The following RORA variants were observed in gnomAD, a reference collection of about 807,000 sequenced individuals.
RORA encodes RAR related orphan receptor A.
A neutral mutation model predicts 69.5 loss-of-function variants in RORA; 7 were observed. That is an observed-to-expected ratio of 0.10 (90% CI 0.06 to 0.19). RORA has a LOEUF of 0.19. Among genes scored for constraint, RORA ranks in the 10% least tolerant of loss-of-function variants. The pLI is 1.00. For synonymous variants in RORA, 261 were observed against 240.8 expected, an observed-to-expected ratio of 1.08 and a Z score of -0.78; for missense variants, 457 against 663.0, an observed-to-expected ratio of 0.69 and a Z score of 3.41.
chr15:60,659,711 C>T (rs1228166651), intron 2 of RORA, among the ~76,000 whole-genome samples: 1 of 152,120 alleles, frequency 6.6e-6, no homozygotes, highest in African/African-American at 2.4e-5. Context: ...AAATAATCAT[C>T]TGATAAATCA....
chr15:61,100,117 T>C (rs958003888), intron 1 of RORA, among the ~76,000 whole-genome samples: 21 of 148,506 alleles, frequency 1.4e-4, no homozygotes, highest in Non-Finnish European at 1.9e-4. Flanking sequence ...ATTTTCTTTT[T>C]TTTTTTTTTT....
At chr15:60,915,242 A>G (rs1891836466) in intron 1 of RORA, among the ~76,000 whole-genome samples, 1 of 152,166 alleles carries the variant, frequency 6.6e-6, no homozygotes, top group African/African-American at 2.4e-5. Flanking sequence ...GCATCAAGAC[A>G]TGCTTTCTGA....
chr15:60,855,908 C>T (rs2073374954), intron 1 of RORA, among the ~76,000 whole-genome samples: 1 of 152,216 alleles, frequency 6.6e-6, no homozygotes, highest in African/African-American at 2.4e-5. Flanking sequence ...AGCCATCGCA[C>T]CCAGCCCTGT....
At chr15:61,019,821 G>A (rs1362659264) in intron 1 of RORA, among the ~76,000 whole-genome samples, 1 of 152,136 alleles carries the variant, frequency 6.6e-6, no homozygotes, top group East Asian at 1.9e-4. Context: ...CCAATGGCTG[G>A]TCACTGACGG....
intron 3 of RORA, among the ~76,000 whole-genome samples, chr15:60,525,617 G>A (rs947019781): frequency 6.6e-6 from 1 of 152,158 alleles, no homozygotes; most frequent in African/African-American, 2.4e-5. Flanking sequence ...TGACAACCAA[G>A]ATTTATTCAT....
rs1412693657 is a variant in RORA at position 60,542,398 on chromosome 15, CACAT to C, written c.197-10551_197-10548del. ...ATGTACCACACATACGTACACTACA[CACAT>C]ATACCATGCTCACACACACCACAGA... is the stretch of plus-strand genomic sequence containing the variant. On this transcript the variant is annotated intron_variant, in intron 2 of 10. Coordinates refer to ENST00000335670, the MANE Select transcript of RORA (RefSeq NM_134261.3). Among the ~76,000 whole-genome samples the C allele has an allele frequency of 5.9e-5, 9 of 151,908 alleles. No homozygotes were observed. The East Asian group carries it at 1.7e-3, about 29-fold the overall frequency.
chr15:60,723,754 T>A (rs1403546988), intron 1 of RORA, among the ~76,000 whole-genome samples: 2 of 152,174 alleles, frequency 1.3e-5, no homozygotes, highest in Admixed American at 1.3e-4. Context: ...AAGAAGTATT[T>A]ATTGAGTGCT....
intron 1 of RORA, among the ~76,000 whole-genome samples, chr15:61,020,358 G>T (rs1477505800): frequency 6.6e-6 from 1 of 152,128 alleles, no homozygotes; most frequent in Non-Finnish European, 1.5e-5. Flanking sequence ...GAAGTAGCTA[G>T]CATCTTACCA....
intron 2 of RORA, among the ~76,000 whole-genome samples, chr15:60,562,539 G>A (rs1485295895): frequency 6.6e-6 from 1 of 151,464 alleles, no homozygotes; most frequent in Non-Finnish European, 1.5e-5. Context: ...GGGTTCAGGC[G>A]ATTCTCCTGC....
chr15:61,097,838 G>T (rs1336087508), intron 1 of RORA, among the ~76,000 whole-genome samples: 1 of 152,110 alleles, frequency 6.6e-6, no homozygotes, highest in Non-Finnish European at 1.5e-5. Flanking sequence ...TTGAATACAG[G>T]ATCATTTCAG....
At chr15:61,076,081 G>A (rs1595954200) in intron 1 of RORA, among the ~76,000 whole-genome samples, 3 of 152,170 alleles carry the variant, frequency 2.0e-5, no homozygotes, top group Non-Finnish European at 2.9e-5. Context: ...CCTCTTTGCA[G>A]GAAAAATGTC....
intron 1 of RORA, among the ~76,000 whole-genome samples, chr15:60,834,692 C>T (rs1243383616): frequency 6.6e-6 from 1 of 152,218 alleles, no homozygotes; most frequent in Non-Finnish European, 1.5e-5. Flanking sequence ...ATTTGCCCAG[C>T]AGCCCAATGG....
chr15:61,145,031 A>C (rs188512246), intron 1 of RORA, among the ~76,000 whole-genome samples: 121 of 152,336 alleles, frequency 7.9e-4, no homozygotes, highest in African/African-American at 2.6e-3. Flanking sequence ...TTGATGGTAT[A>C]CGCCTCTATC....
chr15:61,142,288 T>A (rs1414300122), intron 1 of RORA, among the ~76,000 whole-genome samples: 1 of 152,156 alleles, frequency 6.6e-6, no homozygotes, highest in Non-Finnish European at 1.5e-5. Flanking sequence ...CATCTCTCAA[T>A]TCCTCAGGAA....
At chr15:60,742,264 T>C (rs1017393600) in intron 1 of RORA, among the ~76,000 whole-genome samples, 2 of 152,228 alleles carry the variant, frequency 1.3e-5, no homozygotes, top group Admixed American at 1.3e-4. Flanking sequence ...TATAAAAATG[T>C]TATATGCTCA....
chr15:61,084,789 C>T (rs990901485), intron 1 of RORA, among the ~76,000 whole-genome samples: 1 of 151,646 alleles, frequency 6.6e-6, no homozygotes, highest in Admixed American at 6.6e-5. Flanking sequence ...CCTATACCAC[C>T]TATTCAAAAT....
chr15:61,093,810 C>A (rs2140724286), intron 1 of RORA, among the ~76,000 whole-genome samples: 1 of 152,310 alleles, frequency 6.6e-6, no homozygotes, highest in South Asian at 2.1e-4. Context: ...ACAAGGTCTA[C>A]AAGTAGTTGT....
rs143635644 is a variant in RORA at position 60,627,455 on chromosome 15, G to A, written c.196+51202C>T. 2,209 of 1,584,824 alleles carry A rather than the reference G, an allele frequency of 1.4e-3. 16 individuals are homozygous for A. The highest frequency in any genetic ancestry group is 0.013 in the East Asian group (562 of 44,536). ...TGTACTATGGAGTCCAAGGTGATCA[G>A]ACAGATGGCTCCAACAGCTGGGTGG... On this transcript the variant is annotated intron_variant, in intron 2 of 10. Coordinates refer to ENST00000335670, the MANE Select transcript of RORA (RefSeq NM_134261.3).
chr15:61,014,551 T>A (rs1256551488), intron 1 of RORA, among the ~76,000 whole-genome samples: 2 of 152,248 alleles, frequency 1.3e-5, no homozygotes, highest in South Asian at 4.1e-4. Context: ...TATGCTCTTC[T>A]GAATTTGTAT....
Sources: gnomAD v4.1 joint callset for allele counts (sites outside exome capture counted in the v4.1 genomes callset) on GRCh38, gnomAD v4.1.1 for gene constraint, MANE v1.5 for transcripts, NCBI Gene and HGNC (gene_info 2026-07-23, HGNC 2026-07-21) for gene names.